ANKS1B: variants seen among roughly 807,000 people sequenced by gnomAD.
ANKS1B encodes the protein ankyrin repeat and sterile alpha motif domain containing 1B.
A neutral mutation model predicts 148.3 loss-of-function variants in ANKS1B; 36 were observed. The observed-to-expected ratio is 0.24, with a 90% CI of 0.19 to 0.32. ANKS1B has a LOEUF of 0.32. Among genes scored for constraint, ANKS1B ranks in the 10% least tolerant of loss-of-function variants. The pLI, the probability that ANKS1B is intolerant of heterozygous loss-of-function variation, is 1.00. For synonymous variants in ANKS1B, 542 were observed against 560.8 expected (o/e 0.97, Z 0.47); for missense variants, 1,157 against 1,542.6 (o/e 0.75, Z 4.19).
chr12:99,928,529 C>T (rs983479152), intron 1 of ANKS1B, among the ~76,000 whole-genome samples: 6 of 151,980 alleles, frequency 3.9e-5, no homozygotes, highest in Admixed American at 3.3e-4. Context: ...CCACCCGCCT[C>T]GGCCTCCCAA....
chr12:98,986,754 A>G (rs1378967069), intron 17 of ANKS1B, among the ~76,000 whole-genome samples: 1 of 152,072 alleles, frequency 6.6e-6, no homozygotes, highest in Non-Finnish European at 1.5e-5. Flanking sequence ...AGCTGGGACT[A>G]CAGGTGTGTA....
intron 12 of ANKS1B, among the ~76,000 whole-genome samples, chr12:99,267,621 G>A (rs1211047462): frequency 6.6e-6 from 1 of 151,044 alleles, no homozygotes; most frequent in East Asian, 1.9e-4. Flanking sequence ...TCACACTGAG[G>A]CACTAGAGTG....
At chr12:99,954,074 G>A (rs907867856) in intron 1 of ANKS1B, among the ~76,000 whole-genome samples, 3 of 152,226 alleles carry the variant, frequency 2.0e-5, no homozygotes, top group Middle Eastern at 3.4e-3. Context: ...TATGGATTTA[G>A]AAACAGCAAA....
At chr12:99,369,791 T>TGGACGGAC (rs201801314) in intron 12 of ANKS1B, among the ~76,000 whole-genome samples, 7 of 148,892 alleles carry the variant, frequency 4.7e-5, no homozygotes, top group South Asian at 2.2e-4. Context: ...GATAGATAGA[T>TGGACGGAC]GGACGGACGG....
At chr12:98,980,422 G>A (rs774116603) in intron 17 of ANKS1B, among the ~76,000 whole-genome samples, 67 of 152,194 alleles carry the variant, frequency 4.4e-4, no homozygotes, top group Non-Finnish European at 5.3e-4. Context: ...TAGCCAGGAT[G>A]GTCTAGATCT....
chr12:99,969,460 G>C (rs4764644), intron 1 of ANKS1B, among the ~76,000 whole-genome samples: 4 of 152,010 alleles, frequency 2.6e-5, no homozygotes, highest in African/African-American at 9.7e-5. Context: ...CTGGGATTAC[G>C]GGTGTGAGTC....
At chr12:99,912,899 C>G (rs894178313) in intron 1 of ANKS1B, among the ~76,000 whole-genome samples, 10 of 152,070 alleles carry the variant, frequency 6.6e-5, no homozygotes, top group African/African-American at 2.4e-4. Flanking sequence ...ACTCATTGAG[C>G]TTGCCTGGTA....
intron 11 of ANKS1B, among the ~76,000 whole-genome samples, chr12:99,442,460 ATGAGGATATTTTTAACCTC>A (rs1395982799): frequency 1.3e-5 from 2 of 151,834 alleles, no homozygotes; most frequent in African/African-American, 4.8e-5. Context: ...ATACAACCTC[ATGAGGATATTTTTAACCTC>A]TGAGCAGGAC....
chr12:99,310,368 G>C (rs1487165514), intron 12 of ANKS1B, among the ~76,000 whole-genome samples: 1 of 152,094 alleles, frequency 6.6e-6, no homozygotes, highest in Non-Finnish European at 1.5e-5. Context: ...GTTTATGTGA[G>C]GGTATTTCTG....
intron 9 of ANKS1B, among the ~76,000 whole-genome samples, chr12:99,507,724 A>G (rs547912733): frequency 6.6e-6 from 1 of 152,032 alleles, no homozygotes; most frequent in East Asian, 1.9e-4. Flanking sequence ...AGATAGTGAA[A>G]CAATGCTTTT....
chr12:99,101,854 G>C (rs2058028537), intron 15 of ANKS1B, among the ~76,000 whole-genome samples: 1 of 152,112 alleles, frequency 6.6e-6, no homozygotes, highest in Admixed American at 6.5e-5. Flanking sequence ...GAGCCCCTGC[G>C]CTCAGCCTTG....
chr12:99,062,832 G>A (rs1198012289), intron 16 of ANKS1B, among the ~76,000 whole-genome samples: 2 of 152,250 alleles, frequency 1.3e-5, no homozygotes, highest in South Asian at 2.1e-4. Context: ...GCAGGGGAGG[G>A]CTTGCCTTTT....
intron 15 of ANKS1B, among the ~76,000 whole-genome samples, chr12:99,151,241 T>C (rs1362915968): frequency 1.3e-5 from 2 of 151,954 alleles, no homozygotes; most frequent in Admixed American, 6.6e-5. Flanking sequence ...TTAAAAACAA[T>C]TGGGGGCCAG....
chr12:99,519,152 C>T (rs2096851076), intron 9 of ANKS1B, among the ~76,000 whole-genome samples: 3 of 152,086 alleles, frequency 2.0e-5, no homozygotes, highest in Admixed American at 2.0e-4. Flanking sequence ...ATGGCCTATC[C>T]TTGAGAATGA....
intron 1 of ANKS1B, among the ~76,000 whole-genome samples, chr12:99,886,528 T>C (rs1028856327): frequency 1.4e-4 from 22 of 152,186 alleles, no homozygotes; most frequent in African/African-American, 5.1e-4. Context: ...TCACCCTGTA[T>C]ATATACACAT....
intron 1 of ANKS1B, among the ~76,000 whole-genome samples, chr12:99,959,583 C>T (rs932942890): frequency 2.0e-5 from 3 of 152,150 alleles, no homozygotes; most frequent in African/African-American, 7.2e-5. Context: ...TTGTCTATTA[C>T]TTTGCTTAAG....
At chr12:99,521,012 C>G (rs1382850506) in intron 9 of ANKS1B, among the ~76,000 whole-genome samples, 2 of 152,240 alleles carry the variant, frequency 1.3e-5, no homozygotes, top group Non-Finnish European at 2.9e-5. Flanking sequence ...TCAGGCTGGT[C>G]TCGAACTCCC....
chr12:99,106,522 G>A (rs539422905), intron 15 of ANKS1B, among the ~76,000 whole-genome samples: 3 of 152,208 alleles, frequency 2.0e-5, no homozygotes, highest in South Asian at 4.1e-4. Context: ...TAATATGTGT[G>A]ATAAAGTTGG....
At chr12:99,298,602 C>G (rs1451447775) in intron 12 of ANKS1B, among the ~76,000 whole-genome samples, 1 of 152,080 alleles carries the variant, frequency 6.6e-6, no homozygotes, top group Non-Finnish European at 1.5e-5. Context: ...TATGCATGTC[C>G]TTACTTTATT....
Sources: gnomAD v4.1 joint callset for allele counts (sites outside exome capture counted in the v4.1 genomes callset) on GRCh38, gnomAD v4.1.1 for gene constraint, MANE v1.5 for transcripts, NCBI Gene and HGNC (gene_info 2026-07-23, HGNC 2026-07-21) for gene names.